ZNF609: variants seen among roughly 807,000 people sequenced by gnomAD.
ZNF609 encodes the protein zinc finger protein 609.
A neutral mutation model predicts 109.5 loss-of-function variants in ZNF609; 11 were observed. That is an observed-to-expected ratio of 0.10 (90% CI 0.06 to 0.17). The LOEUF (loss-of-function observed/expected upper bound fraction) is 0.17, where lower values mean the gene tolerates loss of function less well. Ranked by LOEUF, ZNF609 falls within the 10% of genes least tolerant of loss-of-function variation. The pLI, the probability that ZNF609 is intolerant of heterozygous loss-of-function variation, is 1.00. For synonymous variants in ZNF609, 646 were observed against 662.0 expected, an observed-to-expected ratio of 0.98 and a Z score of 0.37; for missense variants, 1,559 against 1,772.4, an observed-to-expected ratio of 0.88 and a Z score of 2.16.
intron 1 of ZNF609, among the ~76,000 whole-genome samples, chr15:64,463,172 A>G (rs1892966256): frequency 6.6e-6 from 1 of 152,196 alleles, no homozygotes; most frequent in African/African-American, 2.4e-5. Flanking sequence ...AGGTGGGAAG[A>G]TCGCTTGAGT....
At chr15:64,639,452 ATTC>A (rs528049478) in intron 3 of ZNF609, among the ~76,000 whole-genome samples, 102 of 152,304 alleles carry the variant, frequency 6.7e-4, no homozygotes, top group African/African-American at 2.2e-3. Flanking sequence ...CTAGGGAAGA[ATTC>A]TTCTTTTCTT....
chr15:64,610,630 A>T (rs1895701406), intron 2 of ZNF609, among the ~76,000 whole-genome samples: 1 of 152,148 alleles, frequency 6.6e-6, no homozygotes. Flanking sequence ...CCTGGGTGAA[A>T]GAGCAAGACC....
At chr15:64,600,382 G>A (rs957069008) in intron 2 of ZNF609, among the ~76,000 whole-genome samples, 17 of 150,374 alleles carry the variant, frequency 1.1e-4, no homozygotes, top group African/African-American at 3.9e-4. Flanking sequence ...CCCTGGAGTC[G>A]GAGGTTGCAG....
intron 1 of ZNF609, among the ~76,000 whole-genome samples, chr15:64,482,760 A>C (rs1893273523): frequency 6.6e-6 from 1 of 152,224 alleles, no homozygotes. Flanking sequence ...CACAGTTGTT[A>C]CCAGTAGACA....
chr15:64,481,143 G>A (rs1157509112), intron 1 of ZNF609, among the ~76,000 whole-genome samples: 1 of 152,054 alleles, frequency 6.6e-6, no homozygotes, highest in Non-Finnish European at 1.5e-5. Flanking sequence ...ATATATTAGG[G>A]TGAGTGGAGA....
At chr15:64,669,951 A>T (rs1221388271) in intron 3 of ZNF609, among the ~76,000 whole-genome samples, 1 of 152,166 alleles carries the variant, frequency 6.6e-6, no homozygotes, top group Non-Finnish European at 1.5e-5. Context: ...TACAGGCGTG[A>T]GCCACCACTC....
At chr15:64,648,745 CAA>C (rs1162012248) in intron 3 of ZNF609, among the ~76,000 whole-genome samples, 34 of 72,376 alleles carry the variant, frequency 4.7e-4, no homozygotes, top group Middle Eastern at 6.9e-3. Flanking sequence ...CACCACATAC[CAA>C]AAAAAAAAAA....
chr15:64,460,013 G>C (rs1252777423), upstream of ZNF609, among the ~76,000 whole-genome samples: 2 of 152,146 alleles, frequency 1.3e-5, no homozygotes, highest in Admixed American at 1.3e-4. Flanking sequence ...TTAGAAATGG[G>C]TGCTTTGGGG....
intron 2 of ZNF609, among the ~76,000 whole-genome samples, chr15:64,602,278 C>G (rs1212179573): frequency 6.6e-6 from 1 of 152,094 alleles, no homozygotes; most frequent in Non-Finnish European, 1.5e-5. Flanking sequence ...GTTCTTAATT[C>G]TTTAGTACTG....
At chr15:64,616,999 G>C (rs1399821984) in intron 2 of ZNF609, among the ~76,000 whole-genome samples, 1 of 150,430 alleles carries the variant, frequency 6.6e-6, no homozygotes, top group Non-Finnish European at 1.5e-5. Context: ...GTAGAGATGG[G>C]GTTTCACCAT....
chr15:64,516,328 T>A (rs150712883), intron 2 of ZNF609, among the ~76,000 whole-genome samples: 2 of 152,358 alleles, frequency 1.3e-5, no homozygotes, highest in Non-Finnish European at 2.9e-5. Flanking sequence ...TTATTCAGTC[T>A]TGCTGAGTTA....
Position 64,675,599 on chromosome 15 carries a change from C to T in ZNF609, c.2745C>T (p.Ser915=). The part of the protein sequence containing the change: ...QSSPGALNPS[S]QAGVESQALK... ...GCCCTGGGGCTCTGAACCCCAGCAG[C>T]CAGGCAGGAGTGGAGAGCCAGGCCC... is the stretch of plus-strand genomic sequence containing the variant. The change falls in exon 5 of 10, where the codon AGC becomes AGT. Residue 915 remains serine (S), a synonymous_variant. Transcript: ENST00000326648. The T allele has an allele frequency of 6.2e-7, 1 of 1,614,080 alleles. No homozygotes were observed. The highest frequency in any genetic ancestry group is 8.5e-7 in the Non-Finnish European group (1 of 1,180,032).
At chr15:64,644,498 CAAAA>C (rs1567037818) in intron 3 of ZNF609, among the ~76,000 whole-genome samples, 1 of 152,024 alleles carries the variant, frequency 6.6e-6, no homozygotes, top group African/African-American at 2.4e-5. Context: ...CAATAAAAAA[CAAAA>C]AGAAAAATAA....
At chr15:64,601,343 G>T (rs615278) in intron 2 of ZNF609, among the ~76,000 whole-genome samples, 131,575 of 152,096 alleles carry the variant, frequency 0.87, 58,206 homozygotes, top group East Asian at 0.96. Context: ...CTAACAGCCA[G>T]GTAAGATAGT....
intron 3 of ZNF609, among the ~76,000 whole-genome samples, chr15:64,649,390 T>A (rs1319760297): frequency 6.6e-6 from 1 of 150,484 alleles, no homozygotes; most frequent in Non-Finnish European, 1.5e-5. Context: ...ACACACACAC[T>A]CTCACACTCT....
intron 2 of ZNF609, among the ~76,000 whole-genome samples, chr15:64,573,956 T>C (rs558223403): frequency 3.0e-4 from 45 of 152,154 alleles, no homozygotes; most frequent in African/African-American, 1.0e-3. Context: ...CACTTGAACA[T>C]TATTCTGTTT....
At chr15:64,610,893 C>A (rs542733027) in intron 2 of ZNF609, among the ~76,000 whole-genome samples, 1 of 152,186 alleles carries the variant, frequency 6.6e-6, no homozygotes, top group South Asian at 2.1e-4. Flanking sequence ...TGTGGGCCGG[C>A]CTAGGAATCG....
chr15:64,553,820 G>A (rs1194881201), intron 2 of ZNF609, among the ~76,000 whole-genome samples: 3 of 151,840 alleles, frequency 2.0e-5, no homozygotes, highest in Non-Finnish European at 2.9e-5. Flanking sequence ...GGAAGGTCTC[G>A]ATCTCCTGAC....
chr15:64,641,506 G>A (rs1409059888), intron 3 of ZNF609, among the ~76,000 whole-genome samples: 2 of 152,072 alleles, frequency 1.3e-5, no homozygotes, highest in East Asian at 1.9e-4. Context: ...GAGCCACCGC[G>A]CCTGGCCTAC....
Sources: gnomAD v4.1 joint callset for allele counts (sites outside exome capture counted in the v4.1 genomes callset) on GRCh38, gnomAD v4.1.1 for gene constraint, MANE v1.5 for transcripts, NCBI Gene and HGNC (gene_info 2026-07-23, HGNC 2026-07-21) for gene names.